Variants in ACSL6 observed in about 807,000 individuals in gnomAD.
ACSL6 encodes acyl-CoA synthetase long chain family member 6.
A neutral mutation model predicts 98.2 loss-of-function variants in ACSL6; 47 were observed. That is an observed-to-expected ratio of 0.48 (90% confidence interval 0.38 to 0.61). The LOEUF is 0.61. Among genes scored for constraint, ACSL6 ranks in the 20% least tolerant of loss-of-function variants. The probability of loss-of-function intolerance (pLI) is 0.00; values close to 1 mark genes in which losing one functional copy is unlikely to be tolerated. For synonymous variants in ACSL6, 362 were observed against 336.9 expected, an observed-to-expected ratio of 1.07 and a Z score of -0.82; for missense variants, 761 against 913.4, an observed-to-expected ratio of 0.83 and a Z score of 2.15.
intron 1 of ACSL6, among the ~76,000 whole-genome samples, chr5:132,009,847 G>T (rs757618726): frequency 6.6e-6 from 1 of 152,040 alleles, no homozygotes; most frequent in African/African-American, 2.4e-5. Context: ...TGATGACCCC[G>T]GTCACAAGTG....
At chr5:131,990,777 C>T (rs1268224336) in intron 3 of ACSL6, 76 bp downstream of exon 3, 73 of 1,383,380 alleles carry the variant, frequency 5.3e-5, no homozygotes, top group Non-Finnish European at 7.4e-5. Flanking sequence ...TGGTATCATG[C>T]TTGCATACCC....
At chr5:131,959,379 G>A (rs1242031848) in intron 20 of ACSL6, among the ~76,000 whole-genome samples, 157 bp downstream of exon 20, 1 of 152,188 alleles carries the variant, frequency 6.6e-6, no homozygotes, top group Non-Finnish European at 1.5e-5. Flanking sequence ...GGTTCAGGAG[G>A]CAGCTTGGAA....
chr5:131,999,930 C>T (rs1388410462), intron 1 of ACSL6, among the ~76,000 whole-genome samples: 1 of 152,158 alleles, frequency 6.6e-6, no homozygotes, highest in Admixed American at 6.5e-5. Context: ...TCTCCTTACA[C>T]ATCCATTTGA....
At chr5:131,985,546 C>T (rs1754133813) in intron 8 of ACSL6, 88 bp from the exon 9 acceptor site, 2 of 1,377,044 alleles carry the variant, frequency 1.5e-6, no homozygotes, top group East Asian at 4.7e-5. Flanking sequence ...CCAGCCAGGC[C>T]CATATGTATG....
intron 1 of ACSL6, among the ~76,000 whole-genome samples, chr5:132,004,355 T>C (rs1755266585): frequency 6.6e-6 from 1 of 151,990 alleles, no homozygotes; most frequent in Non-Finnish European, 1.5e-5. Context: ...AGACTCCCAC[T>C]ACCAGGAGAA....
intron 3 of ACSL6, 132 bp from the exon 4 acceptor site, chr5:131,990,296 G>T: frequency 1.3e-6 from 1 of 798,704 alleles, no homozygotes; most frequent in Non-Finnish European, 2.0e-6. Flanking sequence ...CTGCCCTCCT[G>T]CACTGCCAGC....
In ACSL6 at chr5:131,988,083, A is replaced by G; in HGVS notation, c.796T>C (p.Cys266Arg). ...EEALKERGQK[C>R]GVVIKSMQAV... ...TGCATGGACTTAATGACCACCCCGC[A>G]CTTCTGCCCTCTCTCTTTCAGGGCT... Residue 266 changes from cysteine to arginine, a missense_variant, in exon 7 of 21, where the codon TGC (cysteine) becomes CGC (arginine). Cys to Arg is a radical substitution (Grantham distance 180). Transcript: ENST00000651883. 1 of 1,614,092 alleles carries G rather than the reference A, an allele frequency of 6.2e-7. No homozygotes were observed. The highest frequency in any genetic ancestry group is 2.2e-5 in the East Asian group (1 of 44,870).
intron 1 of ACSL6, among the ~76,000 whole-genome samples, chr5:132,001,561 T>C (rs1453903414): frequency 6.6e-6 from 1 of 152,152 alleles, no homozygotes; most frequent in Non-Finnish European, 1.5e-5. Context: ...CAGGATACGA[T>C]ACGGGGTTGC....
At chr5:131,989,719 G>A (rs1304222460) in intron 4 of ACSL6, among the ~76,000 whole-genome samples, 3 of 146,864 alleles carry the variant, frequency 2.0e-5, no homozygotes, top group East Asian at 2.1e-4. Flanking sequence ...TCAGCCTCCC[G>A]AGTAGCTGGG....
rs147587617 is a variant in ACSL6, at chr5:132,007,928, T to A, written c.49+3577A>T. Among the ~76,000 whole-genome samples the A allele has an allele frequency of 1.7e-3, 253 of 152,324 alleles. 1 individual carries two copies. The highest frequency in any genetic ancestry group is 5.8e-3 in the African/African-American group (241 of 41,568). ...CCTGAGTCCCATCTGGGGCTGTAGC[T>A]GAGCCAAATTCAGCCTTCTGAAGGT... On this transcript the variant is annotated intron_variant, in intron 1 of 20. Coordinates refer to ENST00000651883, the MANE Select transcript of ACSL6 (RefSeq NM_001009185.3).
chr5:131,954,444 A>C, intron 20 of ACSL6, 73 bp from the exon 21 acceptor site: 1 of 1,435,562 alleles, frequency 7.0e-7, no homozygotes, highest in South Asian at 1.4e-5. Flanking sequence ...GGTAAAAAGC[A>C]AACAGGCACA....
At chr5:131,966,373 C>CA in intron 17 of ACSL6, 43 bp downstream of exon 17, 1 of 1,592,348 alleles carries the variant, frequency 6.3e-7, no homozygotes, top group South Asian at 1.1e-5. Flanking sequence ...CACACCCTCC[C>CA]ACTGCCAAAT....
At position 131,953,730 on chromosome 5, in the gene ACSL6, CTA is replaced by C; in HGVS notation, c.*502_*503del. ...TTTAAAGACTCTGAAGTTACGTAGA[CTA>C]TGAGTTATCATGTTTTCTTTTAGCA... On this transcript the variant is annotated 3_prime_UTR_variant, in exon 21 of 21. Transcript: ENST00000651883. 1 of 194,130 alleles carries C rather than the reference CTA, an allele frequency of 5.2e-6. No individual in the cohort carries two copies. The highest frequency in any genetic ancestry group is 1.1e-5 in the Non-Finnish European group (1 of 92,848). 12.0% of individuals were successfully genotyped at this position (194,130 alleles called of 1,614,324 possible). A position where few individuals can be genotyped will look rare whatever the true frequency, so the allele number is the denominator to read the frequency against.
chr5:132,001,543 T>C (rs958718581), intron 1 of ACSL6, among the ~76,000 whole-genome samples: 3 of 152,188 alleles, frequency 2.0e-5, no homozygotes, highest in Non-Finnish European at 4.4e-5. Context: ...CCCCATGAGA[T>C]AGAGGCCCAG....
intron 9 of ACSL6, among the ~76,000 whole-genome samples, chr5:131,978,646 C>T (rs930076022): frequency 6.6e-6 from 1 of 152,100 alleles, no homozygotes; most frequent in Non-Finnish European, 1.5e-5. Flanking sequence ...CTTGCAATGT[C>T]CATAGGACTT....
chr5:132,007,174 G>A (rs1479932608), intron 1 of ACSL6, among the ~76,000 whole-genome samples: 3 of 152,182 alleles, frequency 2.0e-5, no homozygotes, highest in Non-Finnish European at 2.9e-5. Flanking sequence ...CAGGAATAGT[G>A]TCACCTTGGT....
At chr5:131,993,990 C>A (rs1232946378) in intron 2 of ACSL6, 41 bp downstream of exon 2, 3 of 1,595,850 alleles carry the variant, frequency 1.9e-6, no homozygotes, top group East Asian at 2.2e-5. Context: ...CTGTCCTCTG[C>A]CCCCTACTTT....
chr5:131,975,162 G>A (rs1561788360), intron 10 of ACSL6, 192 bp from the exon 11 acceptor site: 1 of 1,413,676 alleles, frequency 7.1e-7, no homozygotes, highest in Non-Finnish European at 9.2e-7. Context: ...GGGAGAGAGA[G>A]AGGGAGGGGG....
chr5:131,986,717 G>T (rs1754208340), intron 8 of ACSL6, 105 bp downstream of exon 8: 5 of 1,400,920 alleles, frequency 3.6e-6, no homozygotes, highest in African/African-American at 1.4e-5. Flanking sequence ...CACAGGAGTT[G>T]CTTATTAACA....
Sources: allele counts gnomAD v4.1 joint callset (sites outside exome capture counted in the v4.1 genomes callset), GRCh38; gene constraint gnomAD v4.1.1; transcripts MANE v1.5; gene names NCBI Gene and HGNC (gene_info 2026-07-23, HGNC 2026-07-21).